IGF1R: variants seen among roughly 807,000 people sequenced by gnomAD.
The protein encoded by IGF1R is insulin like growth factor 1 receptor.
A neutral mutation model predicts 144.6 loss-of-function variants in IGF1R; 44 were observed. That is an observed-to-expected ratio of 0.30 (90% CI 0.24 to 0.39). The LOEUF is 0.39. IGF1R is among the 10% of genes least tolerant of loss of function. The pLI is 1.00. For missense variants in IGF1R, 1,355 were observed against 1,833.7 expected (o/e 0.74, Z 4.77); for synonymous variants, 795 against 722.8 (o/e 1.10, Z -1.60).
chr15:98,930,687 C>G (rs1312351354), intron 15 of IGF1R, among the ~76,000 whole-genome samples: 1 of 152,138 alleles, frequency 6.6e-6, no homozygotes, highest in Non-Finnish European at 1.5e-5. Flanking sequence ...AAACTAGTTT[C>G]AGCTTGAGTA....
At chr15:98,911,199 A>G in intron 6 of IGF1R, 116 bp from the exon 7 acceptor site, 4 of 1,166,068 alleles carry the variant, frequency 3.4e-6, no homozygotes, top group Non-Finnish European at 5.1e-6. Flanking sequence ...GAAGCCCAGA[A>G]GGGAACTTAG....
At chr15:98,749,360 A>C (rs1385901830) in intron 2 of IGF1R, among the ~76,000 whole-genome samples, 2 of 152,144 alleles carry the variant, frequency 1.3e-5, no homozygotes, top group Non-Finnish European at 2.9e-5. Context: ...TGGTGACCCA[A>C]AGTGATTTGG....
chr15:98,668,197 G>A (rs1228630431), intron 1 of IGF1R, among the ~76,000 whole-genome samples: 3 of 152,100 alleles, frequency 2.0e-5, no homozygotes, highest in Non-Finnish European at 4.4e-5. Context: ...TTGCCATTAT[G>A]GGGGCTCTAC....
intron 2 of IGF1R, among the ~76,000 whole-genome samples, chr15:98,863,724 T>A (rs922720261): frequency 5.3e-5 from 8 of 152,216 alleles, no homozygotes; most frequent in Non-Finnish European, 2.9e-5. Flanking sequence ...GTGAAGAAGA[T>A]GACAGGAGAT....
rs2017032415 is a variant in IGF1R, at chr15:98,957,259, C to T, written c.3921C>T (p.Pro1307=). ...ACATGGAGAGCGTCCCCCTGGACCC[C>T]TCGGCCTCCTCGTCCTCCCTGCCAC... ...PENMESVPLD[P]SASSSSLPLP... Residue 1307 remains proline (P), a synonymous_variant, in exon 21 of 21, where the codon CCC becomes CCT. Coordinates refer to ENST00000650285, the MANE Select transcript of IGF1R (RefSeq NM_000875.5). 4 of 1,614,088 alleles carry T rather than the reference C, an allele frequency of 2.5e-6. No individual in the cohort carries two copies. The highest frequency in any genetic ancestry group is 3.4e-6 in the Non-Finnish European group (4 of 1,179,992).
At chr15:98,939,139 G>T in intron 17 of IGF1R, 62 bp from the exon 18 acceptor site, 1 of 1,431,760 alleles carries the variant, frequency 7.0e-7, no homozygotes, top group East Asian at 2.3e-5. Flanking sequence ...AACCTCGAAA[G>T]AAATTGGCAT....
At chr15:98,849,910 A>G (rs2011472327) in intron 2 of IGF1R, among the ~76,000 whole-genome samples, 2 of 152,158 alleles carry the variant, frequency 1.3e-5, no homozygotes, top group African/African-American at 4.8e-5. Flanking sequence ...TTGATAACAC[A>G]CTCTTTGGAA....
chr15:98,695,968 C>T (rs1296304612), intron 1 of IGF1R, among the ~76,000 whole-genome samples: 1 of 147,858 alleles, frequency 6.8e-6, no homozygotes, highest in African/African-American at 2.6e-5. Context: ...AGGGTCTCTC[C>T]CCTGGCCCCT....
chr15:98,697,356 G>A (rs1021972806), intron 1 of IGF1R, among the ~76,000 whole-genome samples: 2 of 152,236 alleles, frequency 1.3e-5, no homozygotes, highest in Admixed American at 1.3e-4. Context: ...CAATACAGAG[G>A]TTGCATGCGG....
At chr15:98,656,144 T>C (rs906355684) in intron 1 of IGF1R, among the ~76,000 whole-genome samples, 11 of 152,256 alleles carry the variant, frequency 7.2e-5, no homozygotes, top group Non-Finnish European at 1.5e-4. Flanking sequence ...GTTGGTGGTC[T>C]TGAAGCATTC....
rs1480395432 is a variant in IGF1R at position 98,800,222 on chromosome 15, G to GAA, written c.641-91103_641-91102insAA. On this transcript the variant is annotated intron_variant, in intron 2 of 20. Transcript: ENST00000650285. Reference sequence around the variant, plus strand: ...GGGCTGGGAGGGCAGCTGTGGAAAAGGGTGTGGGCGAGGGAGACAGTGCTT... The same window carrying GAA: ...GGGCTGGGAGGGCAGCTGTGGAAAAGAAGGTGTGGGCGAGGGAGACAGTGCTT... 2.9e-3 allele frequency among the ~76,000 whole-genome samples: 370 copies of GAA among 128,114 alleles called. 1 individual carries two copies. Among genetic ancestry groups the GAA allele is most frequent in the African/African-American group, 8.2e-3 (333 of 40,654 alleles). The allele number at this position is 128,114 out of a possible 152,430, so 84.0% of individuals were successfully genotyped here.
At chr15:98,659,405 C>T (rs1429967398) in intron 1 of IGF1R, among the ~76,000 whole-genome samples, 1 of 152,120 alleles carries the variant, frequency 6.6e-6, no homozygotes, top group African/African-American at 2.4e-5. Flanking sequence ...TAGGCTCCAT[C>T]TAGTGGCCAG....
At chr15:98,806,913 C>A (rs2056484120) in intron 2 of IGF1R, among the ~76,000 whole-genome samples, 1 of 152,078 alleles carries the variant, frequency 6.6e-6, no homozygotes, top group Admixed American at 6.6e-5. Context: ...GTAATCCCAG[C>A]ACGTTGGGAG....
intron 15 of IGF1R, 151 bp downstream of exon 15, chr15:98,930,456 CTTTT>C (rs1001845287): frequency 6.3e-6 from 3 of 477,904 alleles, no homozygotes; most frequent in Admixed American, 7.1e-5. Context: ...TTCTTTCTTT[CTTTT>C]TTTTTTTAAT....
At chr15:98,912,969 T>C in intron 7 of IGF1R, 75 bp from the exon 8 acceptor site, 1 of 921,770 alleles carries the variant, frequency 1.1e-6, no homozygotes, top group South Asian at 1.3e-5. Context: ...TGTGACATGC[T>C]GGGCCTCTGG....
chr15:98,935,247 T>G lies in IGF1R; in HGVS notation c.3187-69T>G. Reference sequence around the variant, plus strand: ...CAGGCCGCAGCACCACAGAGACAGTTCCAGACAACACAGGCATCAGCAAGG... The same window carrying G: ...CAGGCCGCAGCACCACAGAGACAGTGCCAGACAACACAGGCATCAGCAAGG... On this transcript the variant is annotated intron_variant, in intron 16 of 20. Coordinates refer to ENST00000650285, the MANE Select transcript of IGF1R (RefSeq NM_000875.5). This position sits in a 1 kb window ranked among gnomAD's most constrained non-coding sequence, Gnocchi z 4.2. 1 of 1,116,494 alleles carries G rather than the reference T, an allele frequency of 9.0e-7. No homozygotes were observed. Among genetic ancestry groups the G allele is most frequent in the Non-Finnish European group, 1.3e-6 (1 of 757,040 alleles). 69.2% of individuals were successfully genotyped at this position (1,116,494 alleles called of 1,614,324 possible).
intron 2 of IGF1R, among the ~76,000 whole-genome samples, chr15:98,876,251 C>G (rs970571089): frequency 1.3e-5 from 2 of 151,400 alleles, no homozygotes; most frequent in African/African-American, 4.9e-5. Flanking sequence ...CATGGGATGC[C>G]TGTGTTCTTC....
rs1424137788 is a variant in IGF1R, at chr15:98,958,501, ACAC to A, written c.*1063_*1065del. ...CAGGTTTGCAAGGAAAGAAATTCAA[ACAC>A]CACAACAGCAGTAAGAAGAAAAGCA... On this transcript the variant is annotated 3_prime_UTR_variant, in exon 21 of 21. Transcript: ENST00000650285. 1.3e-5 allele frequency: 3 copies of A among 232,470 alleles called. No homozygotes were observed. Among genetic ancestry groups the A allele is most frequent in the Non-Finnish European group, 2.6e-5 (3 of 117,380 alleles). 14.4% of individuals were successfully genotyped at this position (232,470 alleles called of 1,614,324 possible). A position where few individuals can be genotyped will look rare whatever the true frequency, so the allele number is the denominator to read the frequency against.
chr15:98,673,425 C>A (rs918722434), intron 1 of IGF1R, among the ~76,000 whole-genome samples: 8 of 152,198 alleles, frequency 5.3e-5, no homozygotes, highest in Non-Finnish European at 7.4e-5. Flanking sequence ...AAATAACAGC[C>A]CTCTTAGCTG....
Sources: allele counts gnomAD v4.1 joint callset (sites outside exome capture counted in the v4.1 genomes callset), GRCh38; gene constraint gnomAD v4.1.1; non-coding constraint Gnocchi (gnomAD v3.1); transcripts MANE v1.5; gene names NCBI Gene and HGNC (gene_info 2026-07-23, HGNC 2026-07-21).